Variants in TBPL2 observed in about 807,000 individuals in gnomAD.
The protein encoded by TBPL2 is TATA box-binding protein-like 2.
TBPL2 carries 40 observed loss-of-function variants against 38.2 expected under a neutral mutation model. The observed-to-expected ratio is 1.05, with a 90% CI of 0.81 to 1.36. TBPL2 has a LOEUF of 1.36. Ranked by LOEUF, TBPL2 falls within the 40% of genes most tolerant of loss-of-function variation. The probability of loss-of-function intolerance (pLI) is 0.00; values close to 1 mark genes in which losing one functional copy is unlikely to be tolerated. For missense variants in TBPL2, 461 were observed against 456.7 expected (o/e 1.01, Z -0.09); for synonymous variants, 169 against 171.7 (o/e 0.98, Z 0.12).
intron 6 of TBPL2, among the ~76,000 whole-genome samples, chr14:55,421,074 A>AG (rs969426993): frequency 2.4e-4 from 37 of 151,118 alleles, no homozygotes; most frequent in Non-Finnish European, 4.7e-4. Context: ...AAAAAAAAAA[A>AG]AAAAGAAAAA....
At chr14:55,414,752 G>C (rs769430860) in intron 6 of TBPL2, among the ~76,000 whole-genome samples, 2 of 152,196 alleles carry the variant, frequency 1.3e-5, no homozygotes, top group Admixed American at 1.3e-4. Context: ...TATGGCCTCA[G>C]AGTAATTTCA....
chr14:55,427,027 T>C (rs1250183704), intron 5 of TBPL2, among the ~76,000 whole-genome samples: 5 of 152,232 alleles, frequency 3.3e-5, no homozygotes, highest in Middle Eastern at 3.2e-3. Context: ...GGCAGAGCTC[T>C]TGCAGATGTA....
exon 3 of TBPL2, chr14:55,435,934 C>A: frequency 6.4e-7 from 1 of 1,558,696 alleles, no homozygotes; most frequent in Non-Finnish European, 8.6e-7. Context: ...AAACTATATT[C>A]CTGAAGAAAT....
At chr14:55,417,666 T>TG (rs2140163742) in intron 6 of TBPL2, among the ~76,000 whole-genome samples, 1 of 152,258 alleles carries the variant, frequency 6.6e-6, no homozygotes, top group African/African-American at 2.4e-5. Flanking sequence ...CTCGCTATGT[T>TG]GCCCAGGCTG....
chr14:55,424,845 G>A (rs961952970), intron 5 of TBPL2, among the ~76,000 whole-genome samples: 5 of 152,110 alleles, frequency 3.3e-5, no homozygotes, highest in African/African-American at 1.2e-4. Flanking sequence ...TCCATGGAGC[G>A]AAAGATGATA....
exon 1 of TBPL2, chr14:55,440,605 C>G (rs1886097412): frequency 6.7e-7 from 1 of 1,500,606 alleles, no homozygotes; most frequent in Admixed American, 2.3e-5. Context: ...GCAGAGGGCG[C>G]GAGAGAAGCG....
intron 6 of TBPL2, among the ~76,000 whole-genome samples, chr14:55,421,071 A>AAAG: frequency 6.6e-6 from 1 of 151,660 alleles, no homozygotes; most frequent in Non-Finnish European, 1.5e-5. Flanking sequence ...AAAAAAAAAA[A>AAAG]AAAAAAAGAA....
At chr14:55,415,279 A>G (rs560516306) in intron 6 of TBPL2, among the ~76,000 whole-genome samples, 1 of 152,260 alleles carries the variant, frequency 6.6e-6, no homozygotes, top group East Asian at 1.9e-4. Flanking sequence ...TGAAAGGACT[A>G]TAACAACTGT....
intron 1 of TBPL2, among the ~76,000 whole-genome samples, chr14:55,438,556 TCCCTTC>T (rs534836090): frequency 6.8e-4 from 104 of 152,240 alleles, no homozygotes; most frequent in African/African-American, 2.2e-3. Context: ...AGTCAGTGTC[TCCCTTC>T]CCCTTCCCCT....
chr14:55,439,502 G>GT (rs1886070941), intron 1 of TBPL2, among the ~76,000 whole-genome samples: 2 of 106,046 alleles, frequency 1.9e-5, no homozygotes, highest in African/African-American at 3.6e-5. Context: ...TTAGAACCAG[G>GT]CGGGGGGCCA....
intron 6 of TBPL2, among the ~76,000 whole-genome samples, chr14:55,415,904 A>G (rs1004886988): frequency 1.3e-5 from 2 of 152,212 alleles, no homozygotes; most frequent in Admixed American, 6.5e-5. Flanking sequence ...ACAATAGAAT[A>G]TTAGTCATAA....
chr14:55,430,398 TA>T (rs370880582), intron 4 of TBPL2, among the ~76,000 whole-genome samples: 3,333 of 119,716 alleles, frequency 0.028, 61 homozygotes, highest in East Asian at 0.058. Flanking sequence ...TCACCCACTT[TA>T]AAAAAAAAAA....
chr14:55,427,340 G>T (rs774223788), intron 5 of TBPL2, among the ~76,000 whole-genome samples: 53 of 151,880 alleles, frequency 3.5e-4, no homozygotes, highest in Non-Finnish European at 6.5e-4. Flanking sequence ...CATGTCAAAA[G>T]AAAAATAAGC....
intron 1 of TBPL2, among the ~76,000 whole-genome samples, chr14:55,438,541 G>A (rs1219370113): frequency 6.6e-6 from 1 of 152,130 alleles, no homozygotes; most frequent in African/African-American, 2.4e-5. Flanking sequence ...CACCAAAGCT[G>A]CAACAGTCAG....
chr14:55,437,012 G>A (rs1279431901), exon 2 of TBPL2: 2 of 1,612,942 alleles, frequency 1.2e-6, no homozygotes, highest in East Asian at 2.2e-5. Flanking sequence ...GGTGGGGCAA[G>A]GCCATCCTAG....
At chr14:55,418,073 C>T (rs1403067881) in intron 6 of TBPL2, among the ~76,000 whole-genome samples, 2 of 152,164 alleles carry the variant, frequency 1.3e-5, no homozygotes, top group Non-Finnish European at 2.9e-5. Flanking sequence ...CATTTTATTA[C>T]CCTAGAGGAA....
chr14:55,439,863 A>G lies in TBPL2; in HGVS notation c.150+533T>C, dbSNP rs1222527279. Among the ~76,000 whole-genome samples the G allele has an allele frequency of 4.8e-5, 7 of 146,312 alleles. No homozygotes were observed. In the East Asian group the frequency reaches 1.0e-3, roughly 22 times the overall value. The stretch of plus-strand genomic sequence containing the variant: ...GGAGAATGGCGTGAACCTGGGAGGC[A>G]GAGCTTGCAGTGAGCCGAGATCGCG... On this transcript the variant is annotated intron_variant, in intron 1 of 6. Transcript: ENST00000247219.
At chr14:55,429,884 A>G (rs1885897457) in intron 4 of TBPL2, among the ~76,000 whole-genome samples, 1 of 151,974 alleles carries the variant, frequency 6.6e-6, no homozygotes, top group Non-Finnish European at 1.5e-5. Flanking sequence ...CAGACAAGGT[A>G]TCAGTTCTTG....
intron 4 of TBPL2, among the ~76,000 whole-genome samples, chr14:55,430,825 A>G (rs1885914222): frequency 6.6e-6 from 1 of 152,228 alleles, no homozygotes; most frequent in Non-Finnish European, 1.5e-5. Context: ...GCAGTAAAAT[A>G]AACTGTTTCC....
Sources: allele counts gnomAD v4.1 joint callset (sites outside exome capture counted in the v4.1 genomes callset), GRCh38; gene constraint gnomAD v4.1.1; transcripts MANE v1.5; gene names NCBI Gene and HGNC (gene_info 2026-07-23, HGNC 2026-07-21).